The following CD55 variants were observed in gnomAD, a reference collection of about 807,000 sequenced individuals.
CD55 encodes complement decay-accelerating factor.
CD55 carries 41 observed loss-of-function variants against 45.8 expected under a neutral mutation model. The ratio of observed to expected loss-of-function variants is 0.90; its 90% CI spans 0.70 to 1.16. The LOEUF is 1.16. CD55 is among the 50% of genes most tolerant of loss of function. The pLI is 0.00. For synonymous variants in CD55, 181 were observed against 181.1 expected, an observed-to-expected ratio of 1.00 and a Z score of 0.01; for missense variants, 416 against 469.8, an observed-to-expected ratio of 0.89 and a Z score of 1.06.
intron 8 of CD55, among the ~76,000 whole-genome samples, chr1:207,338,980 T>C (rs938703010): frequency 7.2e-5 from 11 of 152,182 alleles, no homozygotes; most frequent in Admixed American, 2.6e-4. Context: ...AATAAGGTGA[T>C]ATGGCATTTT....
At chr1:207,347,030 G>T in intron 9 of CD55, 1 of 449,968 alleles carries the variant, frequency 2.2e-6, no homozygotes, top group South Asian at 1.6e-5. Flanking sequence ...CCTTGCTTCT[G>T]TCTCCTTCCT....
At chr1:207,359,225 T>G (rs897596170) in intron 9 of CD55, among the ~76,000 whole-genome samples, 1 of 152,114 alleles carries the variant, frequency 6.6e-6, no homozygotes. Flanking sequence ...TTATTTATTT[T>G]TATATTTTTT....
chr1:207,336,917 C>A, intron 7 of CD55, 99 bp downstream of exon 7: 4 of 1,386,166 alleles, frequency 2.9e-6, no homozygotes, highest in Non-Finnish European at 3.1e-6. Context: ...AGTAAATGTC[C>A]CAGCTACAAT....
chr1:207,324,549 A>G lies in CD55; in HGVS notation c.287-10A>G, dbSNP rs995789432. 1.3e-6 allele frequency: 2 copies of G among 1,524,846 alleles called. No homozygotes were observed. Among genetic ancestry groups the G allele is most frequent in the Non-Finnish European group, 1.8e-6 (2 of 1,135,242 alleles). 94.5% of individuals were successfully genotyped at this position (1,524,846 alleles called of 1,614,324 possible). On this transcript the variant is annotated splice_polypyrimidine_tract_variant and intron_variant, in intron 2 of 9. Coordinates refer to ENST00000367064, the MANE Select transcript of CD55 (RefSeq NM_000574.5). Reference sequence around the variant, plus strand: ...ACATTTTTTGTTGCTGCTTTTGTTAATACTTTTAGGTAGCTGCGAGGTGCC... The same window carrying G: ...ACATTTTTTGTTGCTGCTTTTGTTAGTACTTTTAGGTAGCTGCGAGGTGCC...
chr1:207,356,967 C>T (rs778698841), intron 9 of CD55, among the ~76,000 whole-genome samples: 11 of 152,062 alleles, frequency 7.2e-5, no homozygotes, highest in Non-Finnish European at 1.0e-4. Flanking sequence ...AATGCCTGTC[C>T]GTTTTTCCCA....
chr1:207,343,164 T>G (rs1489092266), intron 9 of CD55, among the ~76,000 whole-genome samples: 1 of 152,110 alleles, frequency 6.6e-6, no homozygotes, highest in Non-Finnish European at 1.5e-5. Flanking sequence ...TGTTTTTTAG[T>G]CTCTATTTTG....
At chr1:207,357,527 T>C (rs1656122649) in intron 9 of CD55, among the ~76,000 whole-genome samples, 1 of 148,226 alleles carries the variant, frequency 6.7e-6, no homozygotes. Flanking sequence ...AAGCTACTGC[T>C]TTGAGACTCC....
At chr1:207,328,189 A>G (rs1294174373) in intron 5 of CD55, among the ~76,000 whole-genome samples, 1 of 152,098 alleles carries the variant, frequency 6.6e-6, no homozygotes, top group Non-Finnish European at 1.5e-5. Context: ...CTCCATGCTG[A>G]ATATTCTGAT....
intron 9 of CD55, chr1:207,340,534 T>A (rs1655378486): frequency 5.7e-6 from 4 of 698,104 alleles, no homozygotes; most frequent in Non-Finnish European, 1.0e-5. Flanking sequence ...CCCGGCTAAG[T>A]TTTTGAAATT....
intron 9 of CD55, chr1:207,350,004 C>T (rs952517572): frequency 4.8e-5 from 19 of 398,366 alleles, no homozygotes; most frequent in Admixed American, 3.0e-4. Context: ...TTTTTCCTGG[C>T]GGCTCTTATT....
intron 6 of CD55, among the ~76,000 whole-genome samples, chr1:207,335,972 G>A (rs1005810227): frequency 1.1e-4 from 17 of 152,130 alleles, no homozygotes; most frequent in African/African-American, 3.9e-4. Flanking sequence ...TCACTAATAC[G>A]TGGTGAAATC....
intron 9 of CD55, among the ~76,000 whole-genome samples, chr1:207,357,067 C>A (rs1002600614): frequency 1.3e-5 from 2 of 152,132 alleles, no homozygotes; most frequent in Non-Finnish European, 2.9e-5. Flanking sequence ...TTACCCTCTA[C>A]AATTTTTCTA....
At chr1:207,331,018 A>G (rs1654918244) in intron 5 of CD55, 90 bp from the exon 6 acceptor site, 2 of 988,370 alleles carry the variant, frequency 2.0e-6, no homozygotes, top group Admixed American at 2.6e-5. Flanking sequence ...TGATTTCTTT[A>G]AAATATAATC....
chr1:207,336,738 C>T lies in CD55; in HGVS notation c.899C>T (p.Thr300Ile), dbSNP rs374668147. Residue 300 changes from threonine (T) to isoleucine (I), a missense_variant, in exon 7 of 10, where the codon ACC (threonine) becomes ATC (isoleucine). By Grantham distance (89) the Thr-to-Ile change is moderately conservative. Coordinates refer to ENST00000367064, the MANE Select transcript of CD55 (RefSeq NM_000574.5). ...SKVPPTVQKP[T>I]TVNVPTTEVS... ...GTCCCACCAACAGTTCAGAAACCTA[C>T]CACAGTAAATGTTCCAACTACAGAA... 3.1e-6 allele frequency: 5 copies of T among 1,613,814 alleles called. No homozygotes were observed. The African/African-American group carries it at 4.0e-5, about 13-fold the overall frequency.
In CD55 at chr1:207,326,762, T is replaced by C. The variant is rs1267189597; in HGVS notation, c.589T>C (p.Phe197Leu). 1 of 1,613,560 alleles carries C rather than the reference T, an allele frequency of 6.2e-7. No homozygotes were observed. Among genetic ancestry groups the C allele is most frequent in the African/African-American group, 1.3e-5 (1 of 75,020 alleles). Residue 197 changes from phenylalanine to leucine, a missense_variant, in exon 5 of 10, where the codon TTT (phenylalanine) becomes CTT (leucine). Physicochemically the swap from Phe to Leu is conservative, Grantham distance 22 (BLOSUM62 0). Coordinates refer to ENST00000367064, the MANE Select transcript of CD55 (RefSeq NM_000574.5). ...SFSCNTGYKL[F>L]GSTSSFCLIS... ...CCCCTGTTGCTTTAGGTACAAATTA[T>C]TTGGCTCGACTTCTAGTTTTTGTCT... is the stretch of plus-strand genomic sequence containing the variant.
intron 4 of CD55, among the ~76,000 whole-genome samples, chr1:207,326,337 C>T (rs1654680312): frequency 6.6e-6 from 1 of 152,160 alleles, no homozygotes; most frequent in Non-Finnish European, 1.5e-5. Context: ...CACTTGTCTC[C>T]TATACGAAAC....
At chr1:207,327,480 G>T (rs1349281551) in intron 5 of CD55, among the ~76,000 whole-genome samples, 1 of 152,080 alleles carries the variant, frequency 6.6e-6, no homozygotes. Flanking sequence ...ATTATAAATG[G>T]ATATATATCC....
rs950049223 is a variant in CD55, at chr1:207,354,224, A to G, written c.1082-5322A>G. ...TCAGGTATTTTATTGAAAATATTTC[A>G]AACAGTTAAAATTATGGCCTGAATC... is the stretch of plus-strand genomic sequence containing the variant. On this transcript the variant is annotated intron_variant, in intron 9 of 9. Transcript: ENST00000367064. 8 of 1,287,536 alleles carry G rather than the reference A, an allele frequency of 6.2e-6. No homozygotes were observed. In the African/African-American group the frequency reaches 1.2e-4, roughly 19 times the overall value. The allele number at this position is 1,287,536 out of a possible 1,614,324, so 79.8% of individuals were successfully genotyped here. A position where few individuals can be genotyped will look rare whatever the true frequency, so the allele number is the denominator to read the frequency against.
intron 9 of CD55, chr1:207,340,537 T>C (rs1401204130): frequency 1.4e-6 from 1 of 698,612 alleles, no homozygotes; most frequent in Admixed American, 2.0e-5. Context: ...GGCTAAGTTT[T>C]TGAAATTTAT....
Sources: gnomAD v4.1 joint callset for allele counts (sites outside exome capture counted in the v4.1 genomes callset) on GRCh38, gnomAD v4.1.1 for gene constraint, MANE v1.5 for transcripts, NCBI Gene and HGNC (gene_info 2026-07-23, HGNC 2026-07-21) for gene names.